The following ABCA12 variants were observed in gnomAD, a reference collection of about 807,000 sequenced individuals.
ABCA12 encodes the protein ATP binding cassette subfamily A member 12, also known as glucosylceramide transporter ABCA12.
Under a neutral mutation model 293.5 loss-of-function variants are expected in ABCA12, and 156 were observed. The ratio of observed to expected loss-of-function variants is 0.53; its 90% CI spans 0.47 to 0.61. The LOEUF is 0.61. Ranked by LOEUF, ABCA12 falls within the 20% of genes least tolerant of loss-of-function variation. The pLI, the probability that ABCA12 is intolerant of heterozygous loss-of-function variation, is 0.00. For synonymous variants in ABCA12, 1,063 were observed against 1,108.0 expected (o/e 0.96, Z 0.81); for missense variants, 2,797 against 3,090.2 (o/e 0.91, Z 2.25).
Position 214,986,547 on chromosome 2 carries a change from A to G in ABCA12, c.4158T>C (p.Thr1386=). Residue 1386 remains threonine, a synonymous_variant, in exon 28 of 53, where the codon ACT becomes ACC. Coordinates refer to ENST00000272895, the MANE Select transcript of ABCA12 (RefSeq NM_173076.3). Reference sequence around the variant, plus strand: ...ATGTCAAAAAGTTAACATACATGGTAGTAGTTTTCCCAGCTCCATTGGGCC... The same window carrying G: ...ATGTCAAAAAGTTAACATACATGGTGGTAGTTTTCCCAGCTCCATTGGGCC... The part of the protein sequence containing the change: ...LLGPNGAGKT[T]TISMLTGLFG... The G allele has an allele frequency of 6.2e-7, 1 of 1,613,986 alleles. No homozygotes were observed. The highest frequency in any genetic ancestry group is 8.5e-7 in the Non-Finnish European group (1 of 1,179,870).
intron 23 of ABCA12, among the ~76,000 whole-genome samples, chr2:214,996,128 C>G (rs1385879157): frequency 2.0e-5 from 3 of 152,142 alleles, no homozygotes; most frequent in Non-Finnish European, 4.4e-5. Flanking sequence ...AGACACAGAG[C>G]TACCAAACAG....
intron 6 of ABCA12, 127 bp downstream of exon 6, chr2:215,049,499 G>T: frequency 2.2e-6 from 2 of 914,798 alleles, no homozygotes; most frequent in Non-Finnish European, 3.4e-6. Context: ...GTGTGCAAAT[G>T]TCTATGTGAG....
chr2:214,984,253 C>T lies in ABCA12; in HGVS notation c.4164-388G>A, dbSNP rs1212120948. Reference sequence around the variant, plus strand: ...CTGGGACTACAGGCATGTGCCACCACGCCCGGCTAATTTTTGTATTTTTAG... The same window carrying T: ...CTGGGACTACAGGCATGTGCCACCATGCCCGGCTAATTTTTGTATTTTTAG... On this transcript the variant is annotated intron_variant, in intron 28 of 52. Coordinates refer to ENST00000272895, the MANE Select transcript of ABCA12 (RefSeq NM_173076.3). 4.6e-5 allele frequency among the ~76,000 whole-genome samples: 7 copies of T among 151,934 alleles called. No homozygotes were observed. In the South Asian group the frequency reaches 1.0e-3, roughly 22 times the overall value.
chr2:214,944,981 A>T lies in ABCA12; in HGVS notation c.7343+20T>A. 1 of 1,606,740 alleles carries T rather than the reference A, an allele frequency of 6.2e-7. No individual in the cohort carries two copies. Among genetic ancestry groups the T allele is most frequent in the Non-Finnish European group, 8.5e-7 (1 of 1,174,178 alleles). ...TCCTAAGACTGTGTGGATTCGCTTT[A>T]AAGATTCCACTCAGTTTACCTGTGA... On this transcript the variant is annotated intron_variant, in intron 49 of 52. Coordinates refer to ENST00000272895, the MANE Select transcript of ABCA12 (RefSeq NM_173076.3).
chr2:214,932,824 C>G, intron 52 of ABCA12, 83 bp from the exon 53 acceptor site: 1 of 958,300 alleles, frequency 1.0e-6, no homozygotes, highest in Non-Finnish European at 1.7e-6. Context: ...TCTCTCTCCC[C>G]TTCCTCTCTC....
At chr2:214,948,993 A>G in intron 46 of ABCA12, 47 bp downstream of exon 46, 3 of 1,476,628 alleles carry the variant, frequency 2.0e-6, no homozygotes, top group Non-Finnish European at 2.8e-6. Flanking sequence ...TATTTTTCTC[A>G]TTTAAGTATG....
chr2:215,050,437 C>T (rs1412596860), intron 5 of ABCA12, among the ~76,000 whole-genome samples: 1 of 152,116 alleles, frequency 6.6e-6, no homozygotes, highest in Non-Finnish European at 1.5e-5. Context: ...ATGGAATCAT[C>T]ATAATCTCCC....
At chr2:215,130,965 G>A (rs1703041491) in intron 1 of ABCA12, among the ~76,000 whole-genome samples, 1 of 151,750 alleles carries the variant, frequency 6.6e-6, no homozygotes, top group South Asian at 2.1e-4. Context: ...AAGGATGTTG[G>A]ATTTGATGGA....
At chr2:215,096,188 C>A (rs559880685) in intron 2 of ABCA12, among the ~76,000 whole-genome samples, 35 of 152,238 alleles carry the variant, frequency 2.3e-4, no homozygotes, top group Admixed American at 3.3e-4. Flanking sequence ...TTGTGTGATA[C>A]CACAAATTAT....
At chr2:215,049,548 T>C (rs1440979076) in intron 6 of ABCA12, 78 bp downstream of exon 6, 2 of 1,409,730 alleles carry the variant, frequency 1.4e-6, no homozygotes, top group Non-Finnish European at 2.0e-6. Flanking sequence ...CCAGTCAGCA[T>C]TTCCCAGTCT....
chr2:214,933,943 G>A (rs1217020115), intron 52 of ABCA12, 135 bp downstream of exon 52: 38 of 891,980 alleles, frequency 4.3e-5, no homozygotes, highest in Middle Eastern at 3.5e-4. Context: ...TAGGCTCTTT[G>A]CTAAGTTTTT....
chr2:214,962,626 T>C (rs1421430269), intron 39 of ABCA12: 1 of 152,174 alleles, frequency 6.6e-6, no homozygotes, highest in Non-Finnish European at 1.5e-5. Context: ...ATTTTTCTCA[T>C]TGCCACATGT....
chr2:215,011,406 G>T (rs1448112380), intron 17 of ABCA12, 33 bp downstream of exon 17: 5 of 1,475,484 alleles, frequency 3.4e-6, no homozygotes, highest in Non-Finnish European at 4.7e-6. Flanking sequence ...GTCATTAAGG[G>T]CAACTGTCAT....
At chr2:215,037,974 T>G (rs190591901) in intron 7 of ABCA12, among the ~76,000 whole-genome samples, 3 of 152,168 alleles carry the variant, frequency 2.0e-5, no homozygotes, top group Non-Finnish European at 4.4e-5. Flanking sequence ...TCTAGTTTCT[T>G]AGTAAACTCA....
chr2:215,012,063 G>A lies in ABCA12; in HGVS notation c.2029C>T (p.Leu677Phe). The A allele has an allele frequency of 1.2e-6, 2 of 1,613,886 alleles. No homozygotes were observed. The highest frequency in any genetic ancestry group is 1.7e-6 in the Non-Finnish European group (2 of 1,179,890). ...MELFIRLKEI[L>F]NQMASGTHPL... ...TGTGTGCCAGAAGCCATCTGATTGA[G>A]AATCTCTTTTAGTCTTATGAAGAGC... The change falls in exon 16 of 53, where the codon CTC (leucine) becomes TTC (phenylalanine). Residue 677 changes from leucine to phenylalanine, a missense_variant. Physicochemically the swap from Leu to Phe is conservative, Grantham distance 22. This residue lies in a region of ABCA12 where 2,130 missense variants were observed against 2,427.0 expected (regional missense o/e 0.88). Transcript: ENST00000272895.
intron 52 of ABCA12, among the ~76,000 whole-genome samples, chr2:214,933,068 A>G (rs1698109409): frequency 6.6e-6 from 1 of 152,136 alleles, no homozygotes; most frequent in African/African-American, 2.4e-5. Flanking sequence ...CTACATCAAT[A>G]TCTCTATCAG....
chr2:215,018,065 C>T lies in ABCA12; in HGVS notation c.1725G>A (p.Met575Ile). 1.2e-6 allele frequency: 2 copies of T among 1,614,102 alleles called. No homozygotes were observed. The highest frequency in any genetic ancestry group is 1.7e-6 in the Non-Finnish European group (2 of 1,179,998). Residue 575 changes from methionine (M) to isoleucine (I), a missense_variant, in exon 14 of 53, where the codon ATG (methionine) becomes ATA (isoleucine). By Grantham distance (10) the Met-to-Ile change is conservative (BLOSUM62 1). This residue lies in a region of ABCA12 where 656 missense variants were observed against 638.2 expected (regional missense o/e 1.03). Transcript: ENST00000272895. ...GCAACTTGTCAATAGTCCTGTTGGA[C>T]ATTCCTGTTGTTCTCCTTAAATCTT... is the stretch of plus-strand genomic sequence containing the variant. ...LKEDLRRTTG[M>I]SNRTIDKLLA...
rs1242797270 is a variant in ABCA12, at chr2:214,989,381, A to G, written c.3777T>C (p.Ala1259=). 2.5e-6 allele frequency: 4 copies of G among 1,613,626 alleles called. No individual in the cohort carries two copies. Among genetic ancestry groups the G allele is most frequent in the Non-Finnish European group, 2.5e-6 (3 of 1,179,948 alleles). The change falls in exon 26 of 53, where the codon GCT becomes GCC. Residue 1259 remains alanine (A), a synonymous_variant. Transcript: ENST00000272895. ...CAATAAGGAAATAAATGAAAGAGTC[A>G]GCTAGGATTAGACAGCACAGCCAGC... is the stretch of plus-strand genomic sequence containing the variant. The part of the protein sequence containing the change: ...SFGWLCCLIL[A]DSFIYFLIAW...
chr2:215,011,726 C>T, intron 16 of ABCA12, 77 bp from the exon 17 acceptor site: 1 of 1,340,326 alleles, frequency 7.5e-7, no homozygotes, highest in South Asian at 1.2e-5. Flanking sequence ...GAAAGAGAAC[C>T]TGATAATACT....
Sources: gnomAD v4.1 joint callset for allele counts (sites outside exome capture counted in the v4.1 genomes callset) on GRCh38, gnomAD v4.1.1 for gene constraint, gnomAD v4.1.1 regional missense constraint, MANE v1.5 for transcripts, NCBI Gene and HGNC (gene_info 2026-07-23, HGNC 2026-07-21) for gene names.